Variants in ZNF407 observed in about 807,000 individuals in gnomAD.
ZNF407 encodes the protein zinc finger protein 407.
Under a neutral mutation model 131.2 loss-of-function variants are expected in ZNF407, and 17 were observed. That is an observed-to-expected ratio of 0.13 (90% confidence interval 0.09 to 0.19). The LOEUF (loss-of-function observed/expected upper bound fraction) is 0.19, where lower values mean the gene tolerates loss of function less well. ZNF407 is among the 10% of genes least tolerant of loss of function. The pLI, the probability that ZNF407 is intolerant of heterozygous loss-of-function variation, is 1.00. For synonymous variants in ZNF407, 1,156 were observed against 1,062.0 expected (o/e 1.09, Z -1.72); for missense variants, 2,681 against 2,830.6 (o/e 0.95, Z 1.20).
intron 3 of ZNF407, among the ~76,000 whole-genome samples, chr18:74,696,425 C>T (rs1967357031): frequency 6.6e-6 from 1 of 152,156 alleles, no homozygotes; most frequent in Non-Finnish European, 1.5e-5. Context: ...GACAATGCTG[C>T]CAGGCATGCT....
intron 8 of ZNF407, among the ~76,000 whole-genome samples, chr18:74,977,827 A>G (rs570348400): frequency 1.3e-5 from 2 of 152,312 alleles, no homozygotes; most frequent in Admixed American, 1.3e-4. Context: ...TTCTGGATCC[A>G]TGACTCTTAC....
intron 3 of ZNF407, among the ~76,000 whole-genome samples, chr18:74,746,992 C>A (rs1284072658): frequency 6.6e-6 from 1 of 152,110 alleles, no homozygotes; most frequent in Non-Finnish European, 1.5e-5. Flanking sequence ...ATGCACTGCA[C>A]TGAGATGTTT....
At chr18:74,809,141 C>T (rs183405457) in intron 4 of ZNF407, among the ~76,000 whole-genome samples, 11 of 152,240 alleles carry the variant, frequency 7.2e-5, no homozygotes, top group Admixed American at 3.9e-4. Context: ...CTCTTAGATC[C>T]GGCATGCATC....
chr18:74,830,865 C>T (rs1280639884), intron 4 of ZNF407, among the ~76,000 whole-genome samples: 1 of 152,086 alleles, frequency 6.6e-6, no homozygotes, highest in Admixed American at 6.5e-5. Context: ...GAACTTATTC[C>T]TCCTATGGAG....
At chr18:74,952,720 G>A (rs1368966866) in intron 8 of ZNF407, among the ~76,000 whole-genome samples, 2 of 152,222 alleles carry the variant, frequency 1.3e-5, no homozygotes, top group African/African-American at 2.4e-5. Flanking sequence ...CATATTTAAA[G>A]TGTACAGTGT....
intron 4 of ZNF407, among the ~76,000 whole-genome samples, chr18:74,868,912 G>T (rs568945386): frequency 6.6e-6 from 1 of 152,174 alleles, no homozygotes; most frequent in Non-Finnish European, 1.5e-5. Flanking sequence ...AGGAATAGAT[G>T]TATTTTATTT....
At chr18:74,968,727 A>C (rs1037180139) in intron 8 of ZNF407, among the ~76,000 whole-genome samples, 1 of 152,058 alleles carries the variant, frequency 6.6e-6, no homozygotes, top group Non-Finnish European at 1.5e-5. Context: ...TTTGTCTTTA[A>C]ATTTCAAAAG....
intron 1 of ZNF407, 129 bp downstream of exon 1, chr18:74,598,066 C>G (rs929190267): frequency 6.6e-6 from 1 of 152,214 alleles, no homozygotes; most frequent in Non-Finnish European, 1.5e-5. Context: ...CGTCTGGGCC[C>G]TTCGCTCTTT....
At chr18:74,765,054 A>T (rs1162757264) in intron 3 of ZNF407, among the ~76,000 whole-genome samples, 3 of 152,144 alleles carry the variant, frequency 2.0e-5, no homozygotes, top group Non-Finnish European at 4.4e-5. Context: ...CACAGTTCCA[A>T]TTCTTGTTGT....
intron 8 of ZNF407, among the ~76,000 whole-genome samples, chr18:74,994,216 C>A (rs1319813415): frequency 6.6e-6 from 1 of 151,502 alleles, no homozygotes; most frequent in Middle Eastern, 3.2e-3. Flanking sequence ...AGCATCAGTT[C>A]TTCAGCTTAC....
intron 5 of ZNF407, among the ~76,000 whole-genome samples, 158 bp from the exon 6 acceptor site, chr18:74,880,878 T>C (rs1971227865): frequency 1.3e-5 from 2 of 152,278 alleles, no homozygotes; most frequent in African/African-American, 4.8e-5. Context: ...TTTCAGATTT[T>C]ATCACAGTCA....
chr18:75,041,847 T>C (rs1290846478), intron 8 of ZNF407, among the ~76,000 whole-genome samples: 1 of 152,150 alleles, frequency 6.6e-6, no homozygotes, highest in African/African-American at 2.4e-5. Flanking sequence ...CAAATGTCAA[T>C]ACAAACACCA....
intron 3 of ZNF407, among the ~76,000 whole-genome samples, chr18:74,705,715 A>G (rs1220346428): frequency 1.3e-5 from 2 of 152,196 alleles, no homozygotes; most frequent in East Asian, 1.9e-4. Flanking sequence ...AATTAATAGC[A>G]TGTGTCTTGT....
intron 3 of ZNF407, among the ~76,000 whole-genome samples, chr18:74,691,652 A>T (rs539261169): frequency 1.3e-5 from 2 of 151,842 alleles, no homozygotes; most frequent in Non-Finnish European, 1.5e-5. Context: ...TTTATTTTAG[A>T]CCTTTTTTCT....
intron 4 of ZNF407, among the ~76,000 whole-genome samples, chr18:74,847,032 C>T (rs1214074614): frequency 1.3e-5 from 2 of 152,010 alleles, no homozygotes; most frequent in Non-Finnish European, 2.9e-5. Flanking sequence ...TTTCTGTTTG[C>T]ACTTTTGCTA....
rs527987602 is a variant in ZNF407, at chr18:74,746,403, A to G, written c.4803-35025A>G. ...TTTTTAATAAACTGTATCTTACTGCAAGTTTTTCACTTTATGAACTATTTT... is the reference window on the plus strand; with the variant it reads ...TTTTTAATAAACTGTATCTTACTGCGAGTTTTTCACTTTATGAACTATTTT... On this transcript the variant is annotated intron_variant, in intron 3 of 8. Coordinates refer to ENST00000299687, the MANE Select transcript of ZNF407 (RefSeq NM_017757.3). Among the ~76,000 whole-genome samples the G allele has an allele frequency of 2.4e-3, 362 of 152,220 alleles. 1 individual carries two copies. The highest frequency in any genetic ancestry group is 0.017 in the South Asian group (83 of 4,824).
intron 3 of ZNF407, among the ~76,000 whole-genome samples, chr18:74,730,287 C>T (rs1968264968): frequency 6.6e-6 from 1 of 152,194 alleles, no homozygotes; most frequent in South Asian, 2.1e-4. Flanking sequence ...AATGGCTTCT[C>T]TAGCTTGAAT....
chr18:74,944,422 A>G (rs1972132469), intron 8 of ZNF407, among the ~76,000 whole-genome samples: 1 of 152,200 alleles, frequency 6.6e-6, no homozygotes, highest in Non-Finnish European at 1.5e-5. Flanking sequence ...GCCATCAAAG[A>G]TGTATGGCCA....
At chr18:74,897,358 A>G (rs1042980416) in intron 7 of ZNF407, among the ~76,000 whole-genome samples, 56 of 152,354 alleles carry the variant, frequency 3.7e-4, no homozygotes, top group African/African-American at 1.3e-3. Flanking sequence ...TAGCTTAAAT[A>G]GGCATTGGGA....
Sources: gnomAD v4.1 joint callset for allele counts (sites outside exome capture counted in the v4.1 genomes callset) on GRCh38, gnomAD v4.1.1 for gene constraint, MANE v1.5 for transcripts, NCBI Gene and HGNC (gene_info 2026-07-23, HGNC 2026-07-21) for gene names.